The following ANKS1B variants were observed in gnomAD, a reference collection of about 807,000 sequenced individuals.
The protein encoded by ANKS1B is ankyrin repeat and sterile alpha motif domain containing 1B, also known as ankyrin repeat and sterile alpha motif domain-containing protein 1B.
ANKS1B carries 36 observed loss-of-function variants against 148.3 expected under a neutral mutation model. The ratio of observed to expected loss-of-function variants is 0.24; its 90% CI spans 0.19 to 0.32. The LOEUF (loss-of-function observed/expected upper bound fraction) is 0.32, where lower values mean the gene tolerates loss of function less well. Among genes scored for constraint, ANKS1B ranks in the 10% least tolerant of loss-of-function variants. The probability of loss-of-function intolerance (pLI) is 1.00; values close to 1 mark genes in which losing one functional copy is unlikely to be tolerated. For synonymous variants in ANKS1B, 542 were observed against 560.8 expected, an observed-to-expected ratio of 0.97 and a Z score of 0.47; for missense variants, 1,157 against 1,542.6, an observed-to-expected ratio of 0.75 and a Z score of 4.19.
intron 10 of ANKS1B, among the ~76,000 whole-genome samples, chr12:99,477,269 GAA>G (rs1001212152): frequency 2.0e-5 from 3 of 152,176 alleles, no homozygotes; most frequent in African/African-American, 7.2e-5. Flanking sequence ...CAGTTGTGGA[GAA>G]AAAGACTGCA....
intron 12 of ANKS1B, among the ~76,000 whole-genome samples, chr12:99,273,594 T>G (rs1602293997): frequency 6.8e-6 from 1 of 147,026 alleles, no homozygotes; most frequent in East Asian, 2.0e-4. Flanking sequence ...TTTTTTTTTT[T>G]GAGACGGAGT....
chr12:98,902,471 C>G (rs1235853427), intron 17 of ANKS1B, among the ~76,000 whole-genome samples: 1 of 152,174 alleles, frequency 6.6e-6, no homozygotes, highest in Non-Finnish European at 1.5e-5. Flanking sequence ...ACAGGACAAC[C>G]TTCTTTAAAT....
chr12:99,794,194 A>G (rs997994079), intron 4 of ANKS1B, among the ~76,000 whole-genome samples: 1 of 151,894 alleles, frequency 6.6e-6, no homozygotes, highest in Non-Finnish European at 1.5e-5. Flanking sequence ...AGGATGTGAA[A>G]ACAAGGGAAT....
At chr12:99,092,866 TA>T (rs1171111694) in intron 15 of ANKS1B, among the ~76,000 whole-genome samples, 1 of 152,214 alleles carries the variant, frequency 6.6e-6, no homozygotes, top group Non-Finnish European at 1.5e-5. Context: ...TTATAAACCT[TA>T]CAGCACTCTT....
chr12:99,550,238 T>C (rs2097205810), intron 9 of ANKS1B, among the ~76,000 whole-genome samples: 1 of 152,208 alleles, frequency 6.6e-6, no homozygotes, highest in Non-Finnish European at 1.5e-5. Flanking sequence ...GTTGTTTACA[T>C]AAAGCATAGA....
At chr12:98,997,619 T>C (rs1310239640) in intron 17 of ANKS1B, among the ~76,000 whole-genome samples, 2 of 152,012 alleles carry the variant, frequency 1.3e-5, no homozygotes, top group Admixed American at 6.6e-5. Flanking sequence ...TCTCGATCTC[T>C]TGACCTCGTG....
chr12:99,617,135 G>A (rs1159434554), intron 9 of ANKS1B, among the ~76,000 whole-genome samples: 1 of 152,110 alleles, frequency 6.6e-6, no homozygotes, highest in East Asian at 1.9e-4. Flanking sequence ...TAAAAAGTCA[G>A]GAAATAACAG....
chr12:99,361,754 A>C (rs1438364159), intron 12 of ANKS1B, among the ~76,000 whole-genome samples: 2 of 152,192 alleles, frequency 1.3e-5, no homozygotes, highest in Admixed American at 6.5e-5. Flanking sequence ...CTAAAATCAC[A>C]TAATCATTGG....
At chr12:99,771,158 T>C (rs573162689) in intron 8 of ANKS1B, among the ~76,000 whole-genome samples, 18 of 152,104 alleles carry the variant, frequency 1.2e-4, no homozygotes, top group African/African-American at 3.6e-4. Context: ...AAGATATTCA[T>C]TGGGTAAACG....
chr12:99,788,322 G>C (rs1025476547), intron 4 of ANKS1B, among the ~76,000 whole-genome samples: 3 of 152,210 alleles, frequency 2.0e-5, no homozygotes, highest in African/African-American at 7.2e-5. Flanking sequence ...GCACTGGGCA[G>C]AGTTGTGAAG....
intron 16 of ANKS1B, among the ~76,000 whole-genome samples, chr12:99,058,587 C>T (rs190321171): frequency 6.6e-6 from 1 of 152,074 alleles, no homozygotes; most frequent in East Asian, 1.9e-4. Context: ...CTAAGTAATT[C>T]TTTATTGTAT....
intron 12 of ANKS1B, among the ~76,000 whole-genome samples, chr12:99,261,466 T>A (rs1375256123): frequency 6.6e-6 from 1 of 152,114 alleles, no homozygotes; most frequent in Non-Finnish European, 1.5e-5. Flanking sequence ...ATTAATTCCT[T>A]TGCTGGCCCC....
chr12:99,802,912 T>TA (rs11322453), intron 4 of ANKS1B, among the ~76,000 whole-genome samples: 19 of 141,820 alleles, frequency 1.3e-4, no homozygotes, highest in Admixed American at 2.1e-4. Flanking sequence ...ACCCTGCCTT[T>TA]AAAAAAAAAA....
At position 98,751,090 on chromosome 12, in the gene ANKS1B, C is replaced by G. The variant is rs1479241588; in HGVS notation, c.3747+265G>C. Among the ~76,000 whole-genome samples, 1 of 152,188 alleles carries G rather than the reference C, an allele frequency of 6.6e-6. No individual in the cohort carries two copies. Among genetic ancestry groups the G allele is most frequent in the Non-Finnish European group, 1.5e-5 (1 of 68,034 alleles). Reference sequence around the variant, plus strand: ...TAAGATTCACCAAGAACAGCAGTACCTGCTGCTGAGACCCTTCATAGGGTT... The same window carrying G: ...TAAGATTCACCAAGAACAGCAGTACGTGCTGCTGAGACCCTTCATAGGGTT... On this transcript the variant is annotated intron_variant, in intron 26 of 26. Transcript: ENST00000683438. The surrounding 1 kb of genome is among the most constrained non-coding windows in gnomAD (Gnocchi z 4.3).
intron 17 of ANKS1B, among the ~76,000 whole-genome samples, chr12:99,047,930 A>G (rs963024947): frequency 6.6e-6 from 1 of 152,204 alleles, no homozygotes. Flanking sequence ...ATGGTTACAC[A>G]AGGTCCTGCA....
chr12:98,876,901 T>A (rs973452782), intron 17 of ANKS1B, among the ~76,000 whole-genome samples: 12 of 152,206 alleles, frequency 7.9e-5, no homozygotes, highest in African/African-American at 2.9e-4. Flanking sequence ...GCCAAAAACA[T>A]CCTTTTGGAA....
intron 1 of ANKS1B, among the ~76,000 whole-genome samples, chr12:99,883,695 A>G (rs2092669593): frequency 1.3e-5 from 2 of 152,184 alleles, no homozygotes; most frequent in Admixed American, 1.3e-4. Context: ...AGGCGGGTGG[A>G]TCACGAGGTC....
chr12:99,228,622 A>G lies in ANKS1B; in HGVS notation c.2419+15720T>C, dbSNP rs569034728. ...CAAAACTTTTATCCATAAAATTATT[A>G]ATACATAAAAATTGAATGTGCACAT... On this transcript the variant is annotated intron_variant, in intron 14 of 26. Transcript: ENST00000683438. Among the ~76,000 whole-genome samples the G allele has an allele frequency of 9.9e-5, 15 of 152,208 alleles. No homozygotes were observed. In the East Asian group the frequency reaches 2.7e-3, roughly 27 times the overall value.
At chr12:99,605,959 A>G (rs1361095000) in intron 9 of ANKS1B, among the ~76,000 whole-genome samples, 1 of 152,236 alleles carries the variant, frequency 6.6e-6, no homozygotes, top group South Asian at 2.1e-4. Context: ...TCAACAGTGT[A>G]TAAGAGTTCC....
Sources: allele counts gnomAD v4.1 joint callset (sites outside exome capture counted in the v4.1 genomes callset), GRCh38; gene constraint gnomAD v4.1.1; non-coding constraint Gnocchi (gnomAD v3.1); transcripts MANE v1.5; gene names NCBI Gene and HGNC (gene_info 2026-07-23, HGNC 2026-07-21).